Variants in SCN8A observed in about 807,000 individuals in gnomAD.
SCN8A encodes the protein sodium voltage-gated channel alpha subunit 8, also known as sodium channel protein type 8 subunit alpha.
SCN8A carries 30 observed loss-of-function variants against 184.1 expected under a neutral mutation model. The ratio of observed to expected loss-of-function variants is 0.16; its 90% CI spans 0.12 to 0.22. SCN8A has a LOEUF of 0.22. Ranked by LOEUF, SCN8A falls within the 10% of genes least tolerant of loss-of-function variation. The pLI is 1.00. For synonymous variants in SCN8A, 852 were observed against 907.0 expected, an observed-to-expected ratio of 0.94 and a Z score of 1.09; for missense variants, 1,057 against 2,498.9, an observed-to-expected ratio of 0.42 and a Z score of 12.30.
intron 1 of SCN8A, among the ~76,000 whole-genome samples, chr12:51,648,475 G>A (rs1940640323): frequency 1.3e-5 from 2 of 152,122 alleles, no homozygotes; most frequent in African/African-American, 4.8e-5. Flanking sequence ...TTACACTGCT[G>A]ATAAAGACAT....
chr12:51,617,985 A>C (rs79058911), intron 1 of SCN8A, among the ~76,000 whole-genome samples: 1,650 of 152,182 alleles, frequency 0.011, 14 homozygotes, highest in Non-Finnish European at 0.016. Context: ...TGAGCCCCGG[A>C]ATTCATATAC....
intron 14 of SCN8A, among the ~76,000 whole-genome samples, chr12:51,756,386 A>G (rs914279157): frequency 1.4e-4 from 21 of 152,062 alleles, no homozygotes; most frequent in African/African-American, 4.1e-4. Context: ...CTTCCCCTAC[A>G]TGAGTCCCTC....
At chr12:51,689,554 T>C in intron 6 of SCN8A, 1 of 153,688 alleles carries the variant, frequency 6.5e-6, no homozygotes, top group Non-Finnish European at 1.4e-5. Flanking sequence ...AATTTTTTAA[T>C]CACAGAAGAG....
intron 2 of SCN8A, among the ~76,000 whole-genome samples, chr12:51,664,770 G>A (rs1350837773): frequency 2.0e-5 from 3 of 151,920 alleles, no homozygotes; most frequent in Non-Finnish European, 2.9e-5. Context: ...GGATGTGCAG[G>A]TTTGTTACAT....
At chr12:51,678,572 C>T (rs181681723) in intron 2 of SCN8A, among the ~76,000 whole-genome samples, 52 of 152,210 alleles carry the variant, frequency 3.4e-4, no homozygotes, top group East Asian at 3.9e-4. Context: ...ATTTTATAGA[C>T]GAAGAAAATG....
At chr12:51,749,142 G>A (rs1942558169) in intron 13 of SCN8A, among the ~76,000 whole-genome samples, 1 of 152,180 alleles carries the variant, frequency 6.6e-6, no homozygotes, top group African/African-American at 2.4e-5. Context: ...CACTTGATAA[G>A]CCTTCTTATT....
intron 19 of SCN8A, among the ~76,000 whole-genome samples, chr12:51,771,570 G>C (rs1042856271): frequency 1.3e-5 from 2 of 152,194 alleles, no homozygotes; most frequent in Non-Finnish European, 2.9e-5. Context: ...TTAAAGACAA[G>C]CCCAAGGGTG....
chr12:51,769,227 C>T lies in SCN8A; in HGVS notation c.3264C>T (p.Asn1088=), dbSNP rs763620762. 3.7e-6 allele frequency: 6 copies of T among 1,614,004 alleles called. No individual in the cohort carries two copies. Among genetic ancestry groups the T allele is most frequent in the Non-Finnish European group, 4.2e-6 (5 of 1,179,876 alleles). The change falls in exon 17 of 27, where the codon AAC becomes AAT. Residue 1088 remains asparagine, a synonymous_variant. Transcript: ENST00000627620. ...IIDEDHMSFI[N]NPNLTVRVPI... is the part of the protein sequence containing the mutation. The stretch of plus-strand genomic sequence containing the variant: ...ATGAGGACCACATGTCCTTCATCAA[C>T]AACCCCAACTTGACTGTACGGGTAC...
chr12:51,703,821 G>A (rs1383001672), intron 9 of SCN8A, among the ~76,000 whole-genome samples: 1 of 152,178 alleles, frequency 6.6e-6, no homozygotes, highest in Non-Finnish European at 1.5e-5. Context: ...AAATATCTGA[G>A]TTAATTCTTA....
At chr12:51,672,334 A>T (rs1005562606) in intron 2 of SCN8A, among the ~76,000 whole-genome samples, 7 of 152,176 alleles carry the variant, frequency 4.6e-5, no homozygotes, top group African/African-American at 1.7e-4. Context: ...CAAATGGCCA[A>T]GTCTAAGATT....
chr12:51,645,397 C>T (rs566763120), intron 1 of SCN8A, among the ~76,000 whole-genome samples: 19 of 152,064 alleles, frequency 1.2e-4, no homozygotes, highest in Middle Eastern at 3.4e-3. Flanking sequence ...TCTGCCCGGC[C>T]GCGCCTACTG....
chr12:51,780,657 A>T lies in SCN8A; in HGVS notation c.3828A>T (p.Leu1276Phe). 1 of 1,280,936 alleles carries T rather than the reference A, an allele frequency of 7.8e-7. No homozygotes were observed. Among genetic ancestry groups the T allele is most frequent in the Non-Finnish European group, 1.0e-6 (1 of 1,003,320 alleles). The allele number at this position is 1,280,936 out of a possible 1,614,324, so 79.3% of individuals were successfully genotyped here. A position where few individuals can be genotyped will look rare whatever the true frequency, so the allele number is the denominator to read the frequency against. The stretch of plus-strand genomic sequence containing the variant: ...CTTCTGTTTCTGTGTAGGTCTCTTT[A>T]GTCAGCCTTATAGCTAATGCCCTGG... ...WLDFLIVAVS[L>F]VSLIANALGY... is the part of the protein sequence containing the mutation. Residue 1276 changes from leucine (L) to phenylalanine (F), a missense_variant, in exon 21 of 27, where the codon TTA becomes TTT. By Grantham distance (22) the Leu-to-Phe change is conservative. Coordinates refer to ENST00000627620, the MANE Select transcript of SCN8A (RefSeq NM_001330260.2).
chr12:51,794,244 A>C, intron 25 of SCN8A, 127 bp from the exon 26 acceptor site: 1 of 837,214 alleles, frequency 1.2e-6, no homozygotes, highest in Non-Finnish European at 1.9e-6. Flanking sequence ...CTGATAGAGC[A>C]GCAGAGCTGA....
Position 51,769,882 on chromosome 12 carries a change from C to T in SCN8A, c.3387C>T (p.Thr1129=). The T allele has an allele frequency of 6.2e-7, 1 of 1,600,316 alleles. No individual in the cohort carries two copies. Among genetic ancestry groups the T allele is most frequent in the Non-Finnish European group, 8.5e-7 (1 of 1,173,280 alleles). The change falls in exon 18 of 27, where the codon ACC becomes ACT. Residue 1129 remains threonine, a synonymous_variant. Transcript: ENST00000627620. ...TGCGTGTCTAGAAACTAGATGACAC[C>T]AGCTCCTCTGAAGGAAGCACCATTG... is the stretch of plus-strand genomic sequence containing the variant. ...PEGSKDKLDD[T]SSSEGSTIDI...
intron 1 of SCN8A, among the ~76,000 whole-genome samples, chr12:51,649,231 C>T (rs1294896995): frequency 6.6e-6 from 1 of 152,190 alleles, no homozygotes; most frequent in African/African-American, 2.4e-5. Context: ...CAGGGTACAG[C>T]CTTCTTCCCA....
At chr12:51,716,730 G>A (rs1392648304) in intron 11 of SCN8A, among the ~76,000 whole-genome samples, 2 of 152,118 alleles carry the variant, frequency 1.3e-5, no homozygotes, top group Non-Finnish European at 2.9e-5. Context: ...CCGCAGTGAC[G>A]CCCTCAAGAG....
At chr12:51,686,332 G>C (rs1184727855) in intron 3 of SCN8A, 36 bp from the exon 4 acceptor site, 1 of 1,348,824 alleles carries the variant, frequency 7.4e-7, no homozygotes, top group Non-Finnish European at 1.1e-6. Context: ...CAAAAGGCAG[G>C]CCAGATTTTA....
At chr12:51,704,829 G>T (rs997361252) in intron 9 of SCN8A, among the ~76,000 whole-genome samples, 1 of 151,872 alleles carries the variant, frequency 6.6e-6, no homozygotes, top group East Asian at 1.9e-4. Flanking sequence ...AAAAAAATTA[G>T]CTGGGCATGG....
intron 2 of SCN8A, among the ~76,000 whole-genome samples, chr12:51,670,321 T>G (rs970384614): frequency 3.3e-5 from 5 of 152,232 alleles, no homozygotes; most frequent in African/African-American, 9.6e-5. Flanking sequence ...CAGGTGATCT[T>G]GGGCATGCTA....
Sources: allele counts gnomAD v4.1 joint callset (sites outside exome capture counted in the v4.1 genomes callset), GRCh38; gene constraint gnomAD v4.1.1; transcripts MANE v1.5; gene names NCBI Gene and HGNC (gene_info 2026-07-23, HGNC 2026-07-21).